The following SULF2 variants were observed in gnomAD, a reference collection of about 807,000 sequenced individuals.
SULF2 encodes extracellular sulfatase Sulf-2.
A neutral mutation model predicts 107.7 loss-of-function variants in SULF2; 52 were observed. That is an observed-to-expected ratio of 0.48 (90% CI 0.39 to 0.61). SULF2 has a LOEUF of 0.61. Ranked by LOEUF, SULF2 falls within the 20% of genes least tolerant of loss-of-function variation. The probability of loss-of-function intolerance (pLI) is 0.00; values close to 1 mark genes in which losing one functional copy is unlikely to be tolerated. For synonymous variants in SULF2, 460 were observed against 464.3 expected (o/e 0.99, Z 0.12); for missense variants, 993 against 1,177.3 (o/e 0.84, Z 2.29).
chr20:47,765,672 A>C (rs892047915), intron 1 of SULF2, among the ~76,000 whole-genome samples: 1 of 152,198 alleles, frequency 6.6e-6, no homozygotes, highest in South Asian at 2.1e-4. Context: ...CAGTGATAGG[A>C]GAATCCTGCC....
intron 3 of SULF2, among the ~76,000 whole-genome samples, chr20:47,728,216 TGTGC>T (rs1244328672): frequency 1.2e-4 from 19 of 152,018 alleles, no homozygotes; most frequent in African/African-American, 2.7e-4. Context: ...GAGCTGTGTG[TGTGC>T]GTGCGTGCGT....
In SULF2 at chr20:47,721,219, G is replaced by T. The variant is rs2089287957; in HGVS notation, c.415+15484C>A. 2.0e-5 allele frequency among the ~76,000 whole-genome samples: 3 copies of T among 152,300 alleles called. No homozygotes were observed. The South Asian group carries it at 6.2e-4, about 32-fold the overall frequency. On this transcript the variant is annotated intron_variant, in intron 3 of 20. Transcript: ENST00000688720. ...TGCTATAAAAGTTCTGGATGCCAGA[G>T]ATGGGATCTTGCTGAACTGAAAGCT...
At chr20:47,774,074 C>G (rs563179761) in intron 1 of SULF2, among the ~76,000 whole-genome samples, 40 of 152,314 alleles carry the variant, frequency 2.6e-4, no homozygotes, top group African/African-American at 8.9e-4. Context: ...CCGACACTTA[C>G]AATTATTTTA....
In SULF2 at chr20:47,658,293, CAT is replaced by C; in HGVS notation, c.*67_*68del. The C allele has an allele frequency of 6.5e-7, 1 of 1,547,540 alleles. No homozygotes were observed. Among genetic ancestry groups the C allele is most frequent in the Non-Finnish European group, 8.9e-7 (1 of 1,119,340 alleles). On this transcript the variant is annotated 3_prime_UTR_variant, in exon 21 of 21. Coordinates refer to ENST00000688720, the MANE Select transcript of SULF2 (RefSeq NM_001387048.1). ...CCACAGGTCTGCTGGAAATCACCCACATGGTTTTTCATTGCCTGTGCAGTCAG... is the reference window on the plus strand; with the variant it reads ...CCACAGGTCTGCTGGAAATCACCCACGGTTTTTCATTGCCTGTGCAGTCAG...
intron 2 of SULF2, among the ~76,000 whole-genome samples, chr20:47,754,177 A>T (rs114897980): frequency 6.6e-6 from 1 of 152,276 alleles, no homozygotes; most frequent in African/African-American, 2.4e-5. Flanking sequence ...CGTCTTGTGT[A>T]TCTGGCACCA....
At position 47,678,602 on chromosome 20, in the gene SULF2, C is replaced by T; in HGVS notation, c.1193+74G>A. 1 of 1,586,298 alleles carries T rather than the reference C, an allele frequency of 6.3e-7. No individual in the cohort carries two copies. Among genetic ancestry groups the T allele is most frequent in the Non-Finnish European group, 8.6e-7 (1 of 1,163,604 alleles). On this transcript the variant is annotated intron_variant, in intron 8 of 20. Coordinates refer to ENST00000688720, the MANE Select transcript of SULF2 (RefSeq NM_001387048.1). The surrounding 1 kb of genome is among the most constrained non-coding windows in gnomAD (Gnocchi z 4.5). Reference sequence around the variant, plus strand: ...CCCTTGGAGACCCCACGTTCTAGACCCACAGGGTTTTGCTCTGAGTTCCCG... The same window carrying T: ...CCCTTGGAGACCCCACGTTCTAGACTCACAGGGTTTTGCTCTGAGTTCCCG...
intron 18 of SULF2, chr20:47,661,502 T>C (rs946984703): frequency 3.4e-6 from 1 of 292,448 alleles, no homozygotes. Flanking sequence ...GTTTGTTGAA[T>C]GCATGAGTGG....
At chr20:47,726,282 T>G (rs1273554698) in intron 3 of SULF2, among the ~76,000 whole-genome samples, 1 of 152,200 alleles carries the variant, frequency 6.6e-6, no homozygotes, top group Non-Finnish European at 1.5e-5. Context: ...CATGGCTTAC[T>G]GCAGCCTCAA....
intron 3 of SULF2, among the ~76,000 whole-genome samples, chr20:47,716,802 C>T (rs1394060381): frequency 6.6e-6 from 1 of 152,004 alleles, no homozygotes; most frequent in Non-Finnish European, 1.5e-5. Context: ...TTGAGACCAG[C>T]CTGCGTGACA....
In SULF2 at chr20:47,658,401, C is replaced by A; in HGVS notation, c.2583-9G>T. On this transcript the variant is annotated splice_polypyrimidine_tract_variant and intron_variant, in intron 20 of 20. Coordinates refer to ENST00000688720, the MANE Select transcript of SULF2 (RefSeq NM_001387048.1). ...CTTCCCACAGTTGTCCCCTAAAGAA[C>A]AAAACAAACTCATCTTAGCACTTAG... is the stretch of plus-strand genomic sequence containing the variant. 6.2e-7 allele frequency: 1 copy of A among 1,614,128 alleles called. No individual in the cohort carries two copies. The highest frequency in any genetic ancestry group is 1.1e-5 in the South Asian group (1 of 91,076).
intron 4 of SULF2, among the ~76,000 whole-genome samples, chr20:47,701,262 C>G (rs1216988673): frequency 6.6e-6 from 1 of 152,130 alleles, no homozygotes; most frequent in African/African-American, 2.4e-5. Flanking sequence ...GACGTCATCC[C>G]CAGGGTGGGG....
At chr20:47,675,088 G>T (rs573157937) in intron 10 of SULF2, among the ~76,000 whole-genome samples, 1 of 152,312 alleles carries the variant, frequency 6.6e-6, no homozygotes, top group South Asian at 2.1e-4. Flanking sequence ...GGTCATTCTG[G>T]CTGCCCAAGC....
intron 10 of SULF2, 51 bp downstream of exon 10, chr20:47,676,443 C>A (rs1391971684): frequency 1.9e-6 from 3 of 1,584,548 alleles, no homozygotes; most frequent in African/African-American, 2.7e-5. Context: ...CAGGTCAGGG[C>A]CGGCTGCAGT....
intron 4 of SULF2, among the ~76,000 whole-genome samples, chr20:47,695,811 C>G (rs2088356287): frequency 6.6e-6 from 1 of 152,184 alleles, no homozygotes; most frequent in Non-Finnish European, 1.5e-5. Context: ...TGGGGTTTCC[C>G]CATGTTGGCC....
chr20:47,757,664 C>T (rs2090325922), intron 1 of SULF2, among the ~76,000 whole-genome samples: 1 of 152,026 alleles, frequency 6.6e-6, no homozygotes, highest in African/African-American at 2.4e-5. Context: ...GCAGAAAAGC[C>T]TTCTGTGGCC....
At chr20:47,724,967 A>G (rs1164362808) in intron 3 of SULF2, among the ~76,000 whole-genome samples, 1 of 152,220 alleles carries the variant, frequency 6.6e-6, no homozygotes, top group Non-Finnish European at 1.5e-5. Flanking sequence ...ATAATGCTCT[A>G]ACTGCAATCT....
chr20:47,730,692 C>T (rs1161738358), intron 3 of SULF2, among the ~76,000 whole-genome samples: 1 of 152,230 alleles, frequency 6.6e-6, no homozygotes, highest in East Asian at 1.9e-4. Flanking sequence ...TTGTGATCCA[C>T]CCTCCTCGGC....
intron 3 of SULF2, chr20:47,706,989 T>A (rs1312343005): frequency 6.6e-6 from 1 of 152,064 alleles, no homozygotes; most frequent in Non-Finnish European, 1.5e-5. Context: ...AGTTTTATTA[T>A]TATTATTATT....
chr20:47,688,560 G>A (rs1021080165), intron 5 of SULF2, among the ~76,000 whole-genome samples: 2 of 152,226 alleles, frequency 1.3e-5, no homozygotes, highest in African/African-American at 4.8e-5. Context: ...CCCTTAGACA[G>A]GGCTGAGTGG....
Sources: gnomAD v4.1 joint callset for allele counts (sites outside exome capture counted in the v4.1 genomes callset) on GRCh38, gnomAD v4.1.1 for gene constraint, Gnocchi (gnomAD v3.1) non-coding constraint, MANE v1.5 for transcripts, NCBI Gene and HGNC (gene_info 2026-07-23, HGNC 2026-07-21) for gene names.